Variants in DOCK5 observed in about 807,000 individuals in gnomAD.
DOCK5 encodes the protein dedicator of cytokinesis protein 5.
In DOCK5, 142 loss-of-function variants were observed where a neutral mutation model predicts 251.8. That is an observed-to-expected ratio of 0.56 (90% CI 0.49 to 0.65). DOCK5 has a LOEUF of 0.65. Among genes scored for constraint, DOCK5 ranks in the 30% least tolerant of loss-of-function variants. The probability of loss-of-function intolerance (pLI) is 0.00; values close to 1 mark genes in which losing one functional copy is unlikely to be tolerated. For synonymous variants in DOCK5, 842 were observed against 835.5 expected (o/e 1.01, Z -0.13); for missense variants, 2,111 against 2,312.3 (o/e 0.91, Z 1.79).
chr8:25,312,390 G>T (rs1348413894), intron 13 of DOCK5, among the ~76,000 whole-genome samples: 1 of 152,136 alleles, frequency 6.6e-6, no homozygotes. Flanking sequence ...GCTTGTAAAA[G>T]AACATTTAGT....
At chr8:25,409,899 C>T in intron 50 of DOCK5, 200 bp from the exon 51 acceptor site, 1 of 514,500 alleles carries the variant, frequency 1.9e-6, no homozygotes, top group Non-Finnish European at 3.5e-6. Context: ...CCTTGTGGAG[C>T]TCTTGAAACT....
At chr8:25,344,445 A>AT in intron 25 of DOCK5, among the ~76,000 whole-genome samples, 1 of 152,290 alleles carries the variant, frequency 6.6e-6, no homozygotes, top group African/African-American at 2.4e-5. Flanking sequence ...AGGACTCCTC[A>AT]ACGTTAAACA....
intron 39 of DOCK5, among the ~76,000 whole-genome samples, chr8:25,381,147 G>C (rs6998373): frequency 7.2e-5 from 11 of 152,132 alleles, no homozygotes; most frequent in African/African-American, 2.7e-4. Flanking sequence ...TGAATGCCCA[G>C]TGGTAGGCAA....
At chr8:25,338,376 G>A (rs1320284087) in intron 22 of DOCK5, among the ~76,000 whole-genome samples, 2 of 151,922 alleles carry the variant, frequency 1.3e-5, no homozygotes, top group African/African-American at 4.8e-5. Flanking sequence ...CATGTGACAG[G>A]GTTGTAATTT....
rs1052516315 is a variant in DOCK5, at chr8:25,411,735, A to G, written c.*437A>G. On this transcript the variant is annotated 3_prime_UTR_variant, in exon 52 of 52. Coordinates refer to ENST00000276440, the MANE Select transcript of DOCK5 (RefSeq NM_024940.8). ...TTAGGTACTTTTCTCACGTGGACAC[A>G]CTGATCCCATCCCATATTGCATCTT... 3 of 155,718 alleles carry G rather than the reference A, an allele frequency of 1.9e-5. No individual in the cohort carries two copies. The highest frequency in any genetic ancestry group is 7.2e-5 in the African/African-American group (3 of 41,632). 9.6% of individuals were successfully genotyped at this position (155,718 alleles called of 1,614,324 possible).
At position 25,284,621 on chromosome 8, in the gene DOCK5, A is replaced by G. The variant is rs758855656; in HGVS notation, c.321+5956A>G. On this transcript the variant is annotated intron_variant, in intron 5 of 51. Transcript: ENST00000276440. Reference sequence around the variant, plus strand: ...CTTTGGCCTCTTTTCCTTTCTGTCAACACCTCTTCCTGCTTCCACACGGCT... The same window carrying G: ...CTTTGGCCTCTTTTCCTTTCTGTCAGCACCTCTTCCTGCTTCCACACGGCT... Among the ~76,000 whole-genome samples, 89 of 152,180 alleles carry G rather than the reference A, an allele frequency of 5.8e-4. 1 individual carries two copies. Among genetic ancestry groups the G allele is most frequent in the Admixed American group, 9.8e-4 (15 of 15,274 alleles).
chr8:25,338,597 A>C (rs987139001), intron 22 of DOCK5, among the ~76,000 whole-genome samples: 1 of 152,160 alleles, frequency 6.6e-6, no homozygotes, highest in African/African-American at 2.4e-5. Context: ...TTCCCCACAC[A>C]TAATTTATGC....
chr8:25,249,314 T>G (rs905298464), intron 2 of DOCK5, among the ~76,000 whole-genome samples: 1 of 152,180 alleles, frequency 6.6e-6, no homozygotes, highest in Non-Finnish European at 1.5e-5. Context: ...TGGGTTTTTT[T>G]GTTTGTTTTT....
chr8:25,267,313 C>T (rs1163110120), intron 2 of DOCK5, among the ~76,000 whole-genome samples: 4 of 152,274 alleles, frequency 2.6e-5, no homozygotes, highest in South Asian at 2.1e-4. Context: ...TAGTACCCCA[C>T]GCCTCCCTGT....
intron 34 of DOCK5, among the ~76,000 whole-genome samples, chr8:25,370,013 G>A (rs537541657): frequency 2.0e-5 from 3 of 152,336 alleles, no homozygotes; most frequent in East Asian, 1.9e-4. Flanking sequence ...AAGGTCTGCT[G>A]TGTATGTAAA....
intron 45 of DOCK5, among the ~76,000 whole-genome samples, chr8:25,397,765 A>G (rs1342506134): frequency 7.0e-6 from 1 of 143,840 alleles, no homozygotes; most frequent in African/African-American, 2.5e-5. Flanking sequence ...CTGACACATA[A>G]TATCATATGA....
chr8:25,320,506 A>G (rs1420237857), intron 15 of DOCK5, among the ~76,000 whole-genome samples: 1 of 152,150 alleles, frequency 6.6e-6, no homozygotes, highest in African/African-American at 2.4e-5. Flanking sequence ...CACACCACAA[A>G]TCTCTGCTCG....
rs181449752 is a variant in DOCK5, at chr8:25,248,585, A to G, written c.127+4828A>G. On this transcript the variant is annotated intron_variant, in intron 2 of 51. Transcript: ENST00000276440. ...ATCTGTGTGTGTTTTTCCAGCGTGG[A>G]CATGAATCCACCCAGACATGAAACA... Among the ~76,000 whole-genome samples, 552 of 151,980 alleles carry G rather than the reference A, an allele frequency of 3.6e-3. 4 individuals carry two copies. Among genetic ancestry groups the G allele is most frequent in the African/African-American group, 0.013 (524 of 41,460 alleles).
chr8:25,309,011 AT>A, intron 12 of DOCK5, 86 bp downstream of exon 12: 1 of 1,502,034 alleles, frequency 6.7e-7, no homozygotes, highest in Non-Finnish European at 8.9e-7. Flanking sequence ...GCCCTTTATT[AT>A]CTTTCTCTGA....
intron 1 of DOCK5, among the ~76,000 whole-genome samples, chr8:25,235,867 AG>A: frequency 7.2e-6 from 1 of 138,156 alleles, no homozygotes; most frequent in African/African-American, 2.7e-5. Flanking sequence ...GCACGATCTC[AG>A]CTCACTGCAA....
At position 25,382,675 on chromosome 8, in the gene DOCK5, A is replaced by G. The variant is rs760163787; in HGVS notation, c.4028A>G (p.Lys1343Arg). Residue 1343 changes from lysine (K) to arginine (R), a missense_variant and splice_region_variant, in exon 40 of 52, where the codon AAA (lysine) becomes AGA (arginine). Lys to Arg is a conservative substitution (Grantham distance 26). Coordinates refer to ENST00000276440, the MANE Select transcript of DOCK5 (RefSeq NM_024940.8). ...GGAATGTCTTGTTTTGTTTTCCAGA[A>G]AAAAAGGGCCTCATTTTATGAGAAC... ...FDYEGLGNLL[K>R]KRASFYENII... 6.2e-7 allele frequency: 1 copy of G among 1,606,904 alleles called. No homozygotes were observed. The highest frequency in any genetic ancestry group is 1.7e-5 in the Admixed American group (1 of 58,618).
At chr8:25,392,403 G>C (rs1163477714) in intron 43 of DOCK5, among the ~76,000 whole-genome samples, 2 of 151,874 alleles carry the variant, frequency 1.3e-5, no homozygotes, top group African/African-American at 4.8e-5. Context: ...CCTGGGAACA[G>C]AGACTTCACC....
chr8:25,391,992 C>T lies in DOCK5; in HGVS notation c.4440+12C>T, dbSNP rs761394805. ...ACAATGAATTTGCTGTGAGTTCACC[C>T]CTTTTGTCCTTTAAGAGGTAAAATT... On this transcript the variant is annotated intron_variant, in intron 43 of 51. Transcript: ENST00000276440. 1.9e-6 allele frequency: 3 copies of T among 1,612,392 alleles called. No individual in the cohort carries two copies. The highest frequency in any genetic ancestry group is 2.2e-5 in the East Asian group (1 of 44,804).
chr8:25,206,214 T>G (rs1000873405), intron 1 of DOCK5, among the ~76,000 whole-genome samples: 2 of 152,164 alleles, frequency 1.3e-5, no homozygotes, highest in African/African-American at 4.8e-5. Context: ...AGTTGTCCAT[T>G]CTTGCTGAAG....
Sources: allele counts gnomAD v4.1 joint callset (sites outside exome capture counted in the v4.1 genomes callset), GRCh38; gene constraint gnomAD v4.1.1; transcripts MANE v1.5; gene names NCBI Gene and HGNC (gene_info 2026-07-23, HGNC 2026-07-21).